Variants in CDK8 observed in about 807,000 individuals in gnomAD.
The protein encoded by CDK8 is cyclin dependent kinase 8.
CDK8 carries 29 observed loss-of-function variants against 71.5 expected under a neutral mutation model. The observed-to-expected ratio is 0.41, with a 90% CI of 0.30 to 0.55. The LOEUF is 0.55. CDK8 is among the 20% of genes least tolerant of loss of function. CDK8 has a pLI of 0.37. For missense variants in CDK8, 288 were observed against 572.6 expected (o/e 0.50, Z 5.07); for synonymous variants, 161 against 192.1 (o/e 0.84, Z 1.34).
At chr13:26,323,300 A>T (rs757625898) in intron 1 of CDK8, among the ~76,000 whole-genome samples, 1 of 4,780 alleles carries the variant, frequency 2.1e-4, no homozygotes. Flanking sequence ...CTCACATGTG[A>T]GAGAGAGAGA....
Position 26,254,506 on chromosome 13 carries a change from T to G in CDK8, c.-136T>G, listed in dbSNP as rs1871424873. 1.1e-5 allele frequency: 7 copies of G among 653,942 alleles called. No individual in the cohort carries two copies. In the South Asian group the frequency reaches 1.4e-4, roughly 13 times the overall value. The allele number at this position is 653,942 out of a possible 1,614,324, so 40.5% of individuals were successfully genotyped here. A position where few individuals can be genotyped will look rare whatever the true frequency, so the allele number is the denominator to read the frequency against. ...GGGGCCTCCTCCTGCTCTTGCCGCATCAGTCGGGCTGGTGCTGCGGCCGGC... is the reference window on the plus strand; with the variant it reads ...GGGGCCTCCTCCTGCTCTTGCCGCAGCAGTCGGGCTGGTGCTGCGGCCGGC... On this transcript the variant is annotated 5_prime_UTR_variant, in exon 1 of 13. Transcript: ENST00000381527. This position sits in a 1 kb window ranked among gnomAD's most constrained non-coding sequence, Gnocchi z 6.7.
rs1565998965 is a variant in CDK8 at position 26,396,363 on chromosome 13, GAAAAAAAGA to G, written c.860+10_860+18del. The G allele has an allele frequency of 7.4e-7, 1 of 1,349,304 alleles. No individual in the cohort carries two copies. 83.6% of individuals were successfully genotyped at this position (1,349,304 alleles called of 1,614,324 possible). A position where few individuals can be genotyped will look rare whatever the true frequency, so the allele number is the denominator to read the frequency against. On this transcript the variant is annotated intron_variant, in intron 8 of 12. Transcript: ENST00000381527. The stretch of plus-strand genomic sequence containing the variant: ...GATTTCAGAAGAAATACGTAAGTTG[GAAAAAAAGA>G]GACTCCTTGTTGATTTTTGCTTTAC...
chr13:26,403,317 T>C (rs1449843159), intron 12 of CDK8, among the ~76,000 whole-genome samples: 1 of 152,102 alleles, frequency 6.6e-6, no homozygotes, highest in Non-Finnish European at 1.5e-5. Context: ...GAAATCAACC[T>C]GGGCAACATA....
intron 4 of CDK8, among the ~76,000 whole-genome samples, chr13:26,357,457 A>G (rs9579006): frequency 0.035 from 5,399 of 152,302 alleles, 313 homozygotes; most frequent in African/African-American, 0.12. Context: ...GAGGTAAATA[A>G]GAACAAAGTT....
chr13:26,287,711 G>A (rs962666913), intron 1 of CDK8, among the ~76,000 whole-genome samples: 9 of 152,004 alleles, frequency 5.9e-5, no homozygotes, highest in African/African-American at 2.2e-4. Context: ...TTCCCTCAAA[G>A]CTATTGAAGT....
intron 6 of CDK8, among the ~76,000 whole-genome samples, chr13:26,391,644 T>A (rs1036723991): frequency 6.6e-6 from 1 of 152,228 alleles, no homozygotes; most frequent in African/African-American, 2.4e-5. Context: ...GGTATACCCA[T>A]ATAAAAAGAA....
chr13:26,396,748 A>C (rs916812200), intron 8 of CDK8, among the ~76,000 whole-genome samples: 3 of 152,124 alleles, frequency 2.0e-5, no homozygotes, highest in African/African-American at 7.2e-5. Context: ...AGAAGAATGG[A>C]TATTTCACCT....
Position 26,254,217 on chromosome 13 carries a change from G to C in CDK8, c.-425G>C, listed in dbSNP as rs1419679284. On this transcript the variant is annotated 5_prime_UTR_variant, in exon 1 of 13. Transcript: ENST00000381527. The surrounding 1 kb of genome is among the most constrained non-coding windows in gnomAD (Gnocchi z 6.7). The stretch of plus-strand genomic sequence containing the variant: ...TGAGTGAGTGTGAGCGTGTGTGTGA[G>C]AGCGTGAGGCGTGAGTGCGCGTGTG... The C allele has an allele frequency of 1.5e-5, 4 of 265,358 alleles. No individual in the cohort carries two copies. Among genetic ancestry groups the C allele is most frequent in the Non-Finnish European group, 2.9e-5 (4 of 138,216 alleles). 16.4% of individuals were successfully genotyped at this position (265,358 alleles called of 1,614,324 possible).
intron 4 of CDK8, among the ~76,000 whole-genome samples, chr13:26,382,451 C>T (rs576738552): frequency 2.4e-4 from 36 of 152,288 alleles, no homozygotes; most frequent in African/African-American, 8.2e-4. Flanking sequence ...ATTAAATCAT[C>T]TTTCTCGATT....
At chr13:26,402,218 AAATAAC>A (rs1256122337) in intron 12 of CDK8, among the ~76,000 whole-genome samples, 3 of 152,200 alleles carry the variant, frequency 2.0e-5, no homozygotes, top group Admixed American at 2.0e-4. Context: ...TGTAGAGGTT[AAATAAC>A]TTTCACATGG....
rs972149914 is a variant in CDK8 at position 26,405,125 on chromosome 13, A to G, written c.*1044A>G. ...AGGAAAAAAAAACCTATAACATACA[A>G]TGTACTGTATCAAACTATTTTACAT... On this transcript the variant is annotated 3_prime_UTR_variant, in exon 13 of 13. Coordinates refer to ENST00000381527, the MANE Select transcript of CDK8 (RefSeq NM_001260.3). The G allele has an allele frequency of 2.2e-5, 4 of 179,488 alleles. No homozygotes were observed. Among genetic ancestry groups the G allele is most frequent in the Non-Finnish European group, 2.4e-5 (2 of 83,830 alleles). The allele number at this position is 179,488 out of a possible 1,614,324, so 11.1% of individuals were successfully genotyped here. A position where few individuals can be genotyped will look rare whatever the true frequency, so the allele number is the denominator to read the frequency against.
At chr13:26,283,169 G>T (rs1165077039) in intron 1 of CDK8, among the ~76,000 whole-genome samples, 1 of 152,172 alleles carries the variant, frequency 6.6e-6, no homozygotes, top group Non-Finnish European at 1.5e-5. Context: ...ACAAAGAATG[G>T]ACTTAAACTA....
intron 4 of CDK8, among the ~76,000 whole-genome samples, chr13:26,379,345 T>C (rs1875105799): frequency 6.6e-6 from 1 of 152,190 alleles, no homozygotes; most frequent in Admixed American, 6.5e-5. Flanking sequence ...AAGTAATTTT[T>C]TAATTATTAA....
rs765513398 is a variant in CDK8, at chr13:26,393,523, C to CGTTTTT, written c.790+26_790+31dup. On this transcript the variant is annotated intron_variant, in intron 7 of 12. Coordinates refer to ENST00000381527, the MANE Select transcript of CDK8 (RefSeq NM_001260.3). The stretch of plus-strand genomic sequence containing the variant: ...GGATTTCCTGCAGGTACACATTATT[C>CGTTTTT]GTTTTTGTTTTTGTTTTTAAATCAC... 12 of 1,610,994 alleles carry CGTTTTT rather than the reference C, an allele frequency of 7.4e-6. No individual in the cohort carries two copies. The South Asian group carries it at 8.8e-5, about 12-fold the overall frequency.
chr13:26,375,369 G>A (rs1671860679), intron 4 of CDK8, among the ~76,000 whole-genome samples: 2 of 152,162 alleles, frequency 1.3e-5, no homozygotes, highest in South Asian at 4.1e-4. Flanking sequence ...TGATGAAGAG[G>A]AGGATGTTGC....
chr13:26,397,678 A>G (rs944681706), intron 9 of CDK8, among the ~76,000 whole-genome samples: 2 of 152,146 alleles, frequency 1.3e-5, no homozygotes, highest in Non-Finnish European at 2.9e-5. Context: ...TCATTCAGCG[A>G]TTATATGTGC....
chr13:26,391,011 A>G (rs1875720575), intron 6 of CDK8, among the ~76,000 whole-genome samples: 1 of 151,924 alleles, frequency 6.6e-6, no homozygotes, highest in African/African-American at 2.4e-5. Context: ...TAAAAAAAAA[A>G]AAAAAACAAG....
chr13:26,339,756 A>AATATATAT (rs1555231155), intron 2 of CDK8, among the ~76,000 whole-genome samples: 4 of 142,996 alleles, frequency 2.8e-5, no homozygotes, highest in African/African-American at 7.7e-5. Flanking sequence ...TTAAAAAAAA[A>AATATATAT]ATATATATAT....
At position 26,262,686 on chromosome 13, in the gene CDK8, G is replaced by A. The variant is rs545066302; in HGVS notation, c.128+7917G>A. Reference sequence around the variant, plus strand: ...TTTTTTTGAAATATACTTTGAAAATGAACCCTTTAAAATGTGGATCAAATC... The same window carrying A: ...TTTTTTTGAAATATACTTTGAAAATAAACCCTTTAAAATGTGGATCAAATC... On this transcript the variant is annotated intron_variant, in intron 1 of 12. Coordinates refer to ENST00000381527, the MANE Select transcript of CDK8 (RefSeq NM_001260.3). 3.9e-5 allele frequency among the ~76,000 whole-genome samples: 6 copies of A among 152,282 alleles called. 1 individual carries two copies. The South Asian group carries it at 1.2e-3, about 32-fold the overall frequency.
Sources: allele counts gnomAD v4.1 joint callset (sites outside exome capture counted in the v4.1 genomes callset), GRCh38; gene constraint gnomAD v4.1.1; non-coding constraint Gnocchi (gnomAD v3.1); transcripts MANE v1.5; gene names NCBI Gene and HGNC (gene_info 2026-07-23, HGNC 2026-07-21).